The following CDKAL1 variants were observed in gnomAD, a reference collection of about 807,000 sequenced individuals.
CDKAL1 encodes CDKAL1 threonylcarbamoyladenosine tRNA methylthiotransferase.
CDKAL1 carries 32 observed loss-of-function variants against 68.2 expected under a neutral mutation model. The ratio of observed to expected loss-of-function variants is 0.47; its 90% confidence interval spans 0.35 to 0.63. The LOEUF is 0.63. CDKAL1 is among the 30% of genes least tolerant of loss of function. CDKAL1 has a pLI of 0.00. For missense variants in CDKAL1, 606 were observed against 696.7 expected (o/e 0.87, Z 1.47); for synonymous variants, 234 against 244.3 (o/e 0.96, Z 0.39).
chr6:20,598,392 A>G (rs1298224568), intron 4 of CDKAL1, among the ~76,000 whole-genome samples: 3 of 152,146 alleles, frequency 2.0e-5, no homozygotes, highest in Non-Finnish European at 2.9e-5. Context: ...TGAGCTTCAC[A>G]TTGATTTTGA....
At chr6:20,827,659 C>T (rs767540700) in intron 8 of CDKAL1, among the ~76,000 whole-genome samples, 25 of 152,048 alleles carry the variant, frequency 1.6e-4, no homozygotes, top group Middle Eastern at 3.4e-3. Flanking sequence ...GTGGTTCTGC[C>T]TTTTTTAGCA....
chr6:20,973,884 C>T (rs1272473230), intron 10 of CDKAL1, among the ~76,000 whole-genome samples: 3 of 152,262 alleles, frequency 2.0e-5, no homozygotes, highest in East Asian at 1.9e-4. Flanking sequence ...GGATTATAGG[C>T]GTGAGCCACC....
At chr6:20,808,549 A>G (rs1238129062) in intron 8 of CDKAL1, among the ~76,000 whole-genome samples, 1 of 152,136 alleles carries the variant, frequency 6.6e-6, no homozygotes, top group Non-Finnish European at 1.5e-5. Flanking sequence ...TCTTGCAGAC[A>G]AGGAGTTCAG....
intron 13 of CDKAL1, among the ~76,000 whole-genome samples, chr6:21,132,215 C>G (rs1775366231): frequency 6.6e-6 from 1 of 151,880 alleles, no homozygotes; most frequent in Admixed American, 6.6e-5. Context: ...GCATTATTAT[C>G]AATAATAGAA....
At chr6:20,882,788 T>C (rs1227043484) in intron 9 of CDKAL1, among the ~76,000 whole-genome samples, 1 of 152,200 alleles carries the variant, frequency 6.6e-6, no homozygotes, top group East Asian at 1.9e-4. Flanking sequence ...CCAGTGTCAT[T>C]TCTGATTTTC....
chr6:20,971,825 G>A (rs1349639326), intron 10 of CDKAL1, among the ~76,000 whole-genome samples: 2 of 152,142 alleles, frequency 1.3e-5, no homozygotes, highest in Non-Finnish European at 2.9e-5. Context: ...GCTGAATGAT[G>A]TAGATTTTAA....
chr6:21,208,088 G>C (rs1779010364), intron 15 of CDKAL1, among the ~76,000 whole-genome samples: 1 of 151,672 alleles, frequency 6.6e-6, no homozygotes, highest in South Asian at 2.1e-4. Flanking sequence ...TACAAGTTAA[G>C]AGAAGGCTGC....
At chr6:21,014,919 GT>G (rs1234108378) in intron 11 of CDKAL1, among the ~76,000 whole-genome samples, 2 of 152,126 alleles carry the variant, frequency 1.3e-5, no homozygotes, top group Non-Finnish European at 1.5e-5. Context: ...ACTGCTAGAG[GT>G]TTTTTTCTAA....
Position 20,546,340 on chromosome 6 carries a change from T to G in CDKAL1, c.-5-6T>G, listed in dbSNP as rs1424246370. ...GTTGATTTTATTTATAACTTTTATGTGGTAGAGAATATGCCTTCTGCATCC... is the reference window on the plus strand; with the variant it reads ...GTTGATTTTATTTATAACTTTTATGGGGTAGAGAATATGCCTTCTGCATCC... On this transcript the variant is annotated splice_region_variant and splice_polypyrimidine_tract_variant and intron_variant, in intron 2 of 15. Transcript: ENST00000274695. The G allele has an allele frequency of 6.3e-7, 1 of 1,585,982 alleles. No homozygotes were observed. The highest frequency in any genetic ancestry group is 1.8e-5 in the Admixed American group (1 of 56,204).
rs1582464001 is a variant in CDKAL1 at position 21,231,959 on chromosome 6, G to T, written c.*920G>T. The T allele has an allele frequency of 6.8e-6, 1 of 147,014 alleles. No homozygotes were observed. The highest frequency in any genetic ancestry group is 1.5e-5 in the Non-Finnish European group (1 of 66,732). The allele number at this position is 147,014 out of a possible 1,614,324, so 9.1% of individuals were successfully genotyped here. ...AAACTGGATTTGTCGAAAACTAATT[G>T]TGCCCATTTTCTCACATTTTTGATC... is the stretch of plus-strand genomic sequence containing the variant. On this transcript the variant is annotated 3_prime_UTR_variant, in exon 16 of 16. Transcript: ENST00000274695.
At chr6:20,660,697 G>A (rs1769245905) in intron 5 of CDKAL1, among the ~76,000 whole-genome samples, 1 of 152,154 alleles carries the variant, frequency 6.6e-6, no homozygotes, top group Admixed American at 6.5e-5. Flanking sequence ...AACCTGGTTA[G>A]TGTTTGGCCT....
chr6:20,828,960 C>T (rs1272498220), intron 8 of CDKAL1, among the ~76,000 whole-genome samples: 1 of 152,110 alleles, frequency 6.6e-6, no homozygotes, highest in Non-Finnish European at 1.5e-5. Context: ...TTGTGACTGG[C>T]TTTTTTCAGC....
At chr6:21,184,297 C>T (rs1158192326) in intron 13 of CDKAL1, among the ~76,000 whole-genome samples, 3 of 151,316 alleles carry the variant, frequency 2.0e-5, no homozygotes, top group Admixed American at 6.6e-5. Flanking sequence ...CAGGTTCAAG[C>T]GATTCTCCTG....
intron 5 of CDKAL1, among the ~76,000 whole-genome samples, chr6:20,666,688 CTTTTT>C (rs35042364): frequency 7.4e-6 from 1 of 135,832 alleles, no homozygotes. Context: ...CCAAAGAATC[CTTTTT>C]TTTTTTTTTT....
chr6:21,080,764 C>T (rs895352762), intron 12 of CDKAL1, among the ~76,000 whole-genome samples: 2 of 152,246 alleles, frequency 1.3e-5, no homozygotes, highest in South Asian at 2.1e-4. Context: ...CAGATGTGTA[C>T]GGCACAAGTG....
intron 12 of CDKAL1, among the ~76,000 whole-genome samples, chr6:21,094,406 T>A (rs1773215364): frequency 6.6e-6 from 1 of 152,188 alleles, no homozygotes; most frequent in Non-Finnish European, 1.5e-5. Flanking sequence ...ATCATATACA[T>A]GGATAACTGA....
chr6:20,871,596 G>T (rs1031466927), intron 9 of CDKAL1, among the ~76,000 whole-genome samples: 25 of 151,984 alleles, frequency 1.6e-4, no homozygotes, highest in African/African-American at 6.0e-4. Context: ...ATTAATAAAA[G>T]CGCTTAGCAA....
intron 13 of CDKAL1, among the ~76,000 whole-genome samples, chr6:21,191,916 G>A (rs372713366): frequency 1.4e-4 from 20 of 144,304 alleles, no homozygotes; most frequent in East Asian, 4.2e-4. Flanking sequence ...CGTTTCCTGC[G>A]CCTTCCTTCA....
rs982588508 is a variant in CDKAL1 at position 21,134,176 on chromosome 6, A to G, written c.1299+25713A>G. Among the ~76,000 whole-genome samples, 6 of 152,324 alleles carry G rather than the reference A, an allele frequency of 3.9e-5. No homozygotes were observed. The South Asian group carries it at 1.2e-3, about 32-fold the overall frequency. ...AGGGGCCAGCAGAGGCCAGATAGGA[A>G]TTCAGAAGTCAAACAAAGTTTGCTC... On this transcript the variant is annotated intron_variant, in intron 13 of 15. Coordinates refer to ENST00000274695, the MANE Select transcript of CDKAL1 (RefSeq NM_017774.3).
Sources: gnomAD v4.1 joint callset for allele counts (sites outside exome capture counted in the v4.1 genomes callset) on GRCh38, gnomAD v4.1.1 for gene constraint, MANE v1.5 for transcripts, NCBI Gene and HGNC (gene_info 2026-07-23, HGNC 2026-07-21) for gene names.